Variants in ALX4 observed in about 807,000 individuals in gnomAD.
The protein encoded by ALX4 is homeobox protein aristaless-like 4.
A neutral mutation model predicts 40.6 loss-of-function variants in ALX4; 22 were observed. The ratio of observed to expected loss-of-function variants is 0.54; its 90% CI spans 0.39 to 0.77. ALX4 has a LOEUF of 0.77. Among genes scored for constraint, ALX4 ranks in the 30% least tolerant of loss-of-function variants. The pLI is 0.00. For synonymous variants in ALX4, 266 were observed against 240.5 expected, an observed-to-expected ratio of 1.11 and a Z score of -0.98; for missense variants, 556 against 564.8, an observed-to-expected ratio of 0.98 and a Z score of 0.16.
At chr11:44,273,521 A>T (rs1183281826) in intron 2 of ALX4, among the ~76,000 whole-genome samples, 1 of 152,158 alleles carries the variant, frequency 6.6e-6, no homozygotes, top group Non-Finnish European at 1.5e-5. Flanking sequence ...TTTAGACTTG[A>T]TGCTCTGCGT....
Position 44,275,354 on chromosome 11 carries a change from G to C in ALX4, c.771C>G (p.Arg257=). 4 of 1,614,170 alleles carry C rather than the reference G, an allele frequency of 2.5e-6. No homozygotes were observed. In the South Asian group the frequency reaches 4.4e-5, roughly 18 times the overall value. ...CCAGGTGGCCCTCACTGACCTGCAC[G>C]CGGGCCTCAGTGAGGTCTGTCCTCA... ...LAMRTDLTEA[R]VQVWFQNRRA... Residue 257 remains arginine (R), a synonymous_variant, in exon 2 of 4, where the codon CGC becomes CGG. Transcript: ENST00000652299.
Position 44,264,774 on chromosome 11 carries a change from T to C in ALX4, c.*80A>G. 1 of 1,517,866 alleles carries C rather than the reference T, an allele frequency of 6.6e-7. No individual in the cohort carries two copies. The highest frequency in any genetic ancestry group is 1.2e-5 in the South Asian group (1 of 85,582). The allele number at this position is 1,517,866 out of a possible 1,614,324, so 94.0% of individuals were successfully genotyped here. A position where few individuals can be genotyped will look rare whatever the true frequency, so the allele number is the denominator to read the frequency against. The stretch of plus-strand genomic sequence containing the variant: ...CCAGGCCAGGTTCCTAAGAGGAAAG[T>C]CGAGTGGGAGGCTGGGGGCCTGGAA... On this transcript the variant is annotated 3_prime_UTR_variant, in exon 4 of 4. Transcript: ENST00000652299.
intron 1 of ALX4, among the ~76,000 whole-genome samples, chr11:44,305,064 T>C (rs762766261): frequency 2.0e-5 from 3 of 152,250 alleles, no homozygotes; most frequent in Non-Finnish European, 4.4e-5. Flanking sequence ...TGAAATTTTC[T>C]TAAAACAACT....
intron 1 of ALX4, among the ~76,000 whole-genome samples, chr11:44,296,788 C>A (rs1956405185): frequency 6.6e-6 from 1 of 152,034 alleles, no homozygotes. Flanking sequence ...GCGGGTGGAT[C>A]ACCTGAGGTC....
In ALX4 at chr11:44,310,131, T is replaced by C. The variant is rs1295801763; in HGVS notation, c.-69A>G. 2 of 1,507,412 alleles carry C rather than the reference T, an allele frequency of 1.3e-6. No individual in the cohort carries two copies. The highest frequency in any genetic ancestry group is 1.8e-6 in the Non-Finnish European group (2 of 1,125,142). 93.4% of individuals were successfully genotyped at this position (1,507,412 alleles called of 1,614,324 possible). On this transcript the variant is annotated 5_prime_UTR_variant, in exon 1 of 4. Transcript: ENST00000652299. ...CGAGGACGCCACCGCGCGCCTTGGCTGGGAGTTTGGGGAGGCGAGGAGGCT... is the reference window on the plus strand; with the variant it reads ...CGAGGACGCCACCGCGCGCCTTGGCCGGGAGTTTGGGGAGGCGAGGAGGCT...
rs61737295 is a variant in ALX4, at chr11:44,275,531, G to T, written c.594C>A (p.Leu198=). The part of the protein sequence containing the change: ...KGPQDRASSD[L]PSPLEKADSE... Reference sequence around the variant, plus strand: ...AGTCGGCCTTCTCCAATGGGCTGGGGAGGTCTGAGCTGGCCCGGTCCTGGG... The same window carrying T: ...AGTCGGCCTTCTCCAATGGGCTGGGTAGGTCTGAGCTGGCCCGGTCCTGGG... Residue 198 remains leucine (L), a synonymous_variant, in exon 2 of 4, where the codon CTC becomes CTA. Coordinates refer to ENST00000652299, the MANE Select transcript of ALX4 (RefSeq NM_021926.4). 17,459 of 1,614,174 alleles carry T rather than the reference G, an allele frequency of 0.011. 235 individuals are homozygous for T. Among genetic ancestry groups the T allele is most frequent in the African/African-American group, 0.05 (3,741 of 75,040 alleles).
chr11:44,293,919 G>A (rs1956388281), intron 1 of ALX4, among the ~76,000 whole-genome samples: 1 of 152,198 alleles, frequency 6.6e-6, no homozygotes, highest in Non-Finnish European at 1.5e-5. Flanking sequence ...TGTCTGGGCG[G>A]TCAGGGGACA....
chr11:44,303,583 C>T (rs911178716), intron 1 of ALX4, among the ~76,000 whole-genome samples: 9 of 152,210 alleles, frequency 5.9e-5, no homozygotes, highest in Admixed American at 5.9e-4. Context: ...TCCTCAGAGC[C>T]TTGCCTCTGC....
chr11:44,291,549 C>T (rs1956369398), intron 1 of ALX4, among the ~76,000 whole-genome samples: 1 of 152,058 alleles, frequency 6.6e-6, no homozygotes, highest in African/African-American at 2.4e-5. Flanking sequence ...GCTGAGGCTA[C>T]AGGCACATGC....
At chr11:44,271,210 T>C (rs1488596239) in intron 2 of ALX4, among the ~76,000 whole-genome samples, 1 of 152,142 alleles carries the variant, frequency 6.6e-6, no homozygotes, top group Non-Finnish European at 1.5e-5. Flanking sequence ...CTGACGCACA[T>C]GAAGATCCCA....
chr11:44,279,448 C>T (rs576553544), intron 1 of ALX4, among the ~76,000 whole-genome samples: 8 of 152,290 alleles, frequency 5.3e-5, no homozygotes, highest in African/African-American at 1.9e-4. Flanking sequence ...GCAGATTGCT[C>T]TCCAGGGAGA....
At position 44,307,894 on chromosome 11, in the gene ALX4, G is replaced by A. The variant is rs180822241; in HGVS notation, c.466+1703C>T. On this transcript the variant is annotated intron_variant, in intron 1 of 3. Transcript: ENST00000652299. Reference sequence around the variant, plus strand: ...TCCGTGTGTGGAGCTGTGGGTGTCCGTGTGTGGAGCTGTGGGTGTCTGTGT... The same window carrying A: ...TCCGTGTGTGGAGCTGTGGGTGTCCATGTGTGGAGCTGTGGGTGTCTGTGT... Among the ~76,000 whole-genome samples, 39 of 152,004 alleles carry A rather than the reference G, an allele frequency of 2.6e-4. 2 individuals carry two copies. In the East Asian group the frequency reaches 2.7e-3, roughly 11 times the overall value.
intron 1 of ALX4, among the ~76,000 whole-genome samples, chr11:44,289,324 A>G (rs1334658458): frequency 2.0e-5 from 3 of 152,158 alleles, no homozygotes; most frequent in African/African-American, 7.2e-5. Context: ...CTTAGACAGG[A>G]GCTCTCCAAC....
At chr11:44,277,226 C>T (rs1356412436) in intron 1 of ALX4, among the ~76,000 whole-genome samples, 1 of 152,198 alleles carries the variant, frequency 6.6e-6, no homozygotes, top group African/African-American at 2.4e-5. Context: ...CTTGCAAACC[C>T]ACAGACCCTG....
intron 1 of ALX4, among the ~76,000 whole-genome samples, chr11:44,278,776 G>C (rs951743999): frequency 6.6e-6 from 1 of 152,178 alleles, no homozygotes; most frequent in African/African-American, 2.4e-5. Flanking sequence ...GGGTAGTTGA[G>C]GGTCCCTCCT....
intron 2 of ALX4, among the ~76,000 whole-genome samples, chr11:44,270,271 A>G (rs1956237899): frequency 6.6e-6 from 1 of 152,032 alleles, no homozygotes; most frequent in Non-Finnish European, 1.5e-5. Flanking sequence ...CAGAGCTAGC[A>G]CCGTCTTTGG....
At chr11:44,304,220 C>T (rs903496610) in intron 1 of ALX4, among the ~76,000 whole-genome samples, 1 of 152,242 alleles carries the variant, frequency 6.6e-6, no homozygotes, top group Admixed American at 6.5e-5. Context: ...GTGCTGATGG[C>T]CGGAGAACCC....
At chr11:44,279,680 A>G (rs1224122236) in intron 1 of ALX4, among the ~76,000 whole-genome samples, 1 of 152,060 alleles carries the variant, frequency 6.6e-6, no homozygotes, top group African/African-American at 2.4e-5. Flanking sequence ...GCTGACCTCC[A>G]AGATCCAATG....
At chr11:44,266,307 C>T (rs1303842772) in intron 3 of ALX4, among the ~76,000 whole-genome samples, 1 of 152,134 alleles carries the variant, frequency 6.6e-6, no homozygotes, top group East Asian at 1.9e-4. Context: ...GAGCTCAAAG[C>T]CAAGGAGGGA....
Sources: allele counts gnomAD v4.1 joint callset (sites outside exome capture counted in the v4.1 genomes callset), GRCh38; gene constraint gnomAD v4.1.1; transcripts MANE v1.5; gene names NCBI Gene and HGNC (gene_info 2026-07-23, HGNC 2026-07-21).